The following LARGE1 variants were observed in gnomAD, a reference collection of about 807,000 sequenced individuals.
LARGE1 encodes the protein LARGE xylosyl- and glucuronyltransferase 1, also known as xylosyl- and glucuronyltransferase LARGE1.
In LARGE1, 43 loss-of-function variants were observed where a neutral mutation model predicts 87.6. The observed-to-expected ratio is 0.49, with a 90% confidence interval of 0.38 to 0.63. The LOEUF is 0.63. LARGE1 is among the 30% of genes least tolerant of loss of function. The pLI is 0.00. For synonymous variants in LARGE1, 434 were observed against 394.6 expected, an observed-to-expected ratio of 1.10 and a Z score of -1.18; for missense variants, 802 against 1,000.2, an observed-to-expected ratio of 0.80 and a Z score of 2.67.
At chr22:33,626,579 G>A (rs1602796470) in intron 3 of LARGE1, among the ~76,000 whole-genome samples, 2 of 152,182 alleles carry the variant, frequency 1.3e-5, no homozygotes, top group Admixed American at 6.5e-5. Flanking sequence ...CAAGAGAGAT[G>A]GTGATTGGCT....
At chr22:33,373,950 G>A (rs1379175386) in intron 9 of LARGE1, among the ~76,000 whole-genome samples, 1 of 135,330 alleles carries the variant, frequency 7.4e-6, no homozygotes, top group Non-Finnish European at 1.5e-5. Flanking sequence ...CTCCAGCCTG[G>A]GGATAGAGTG....
At chr22:33,336,569 AG>A (rs1938471641) in intron 10 of LARGE1, among the ~76,000 whole-genome samples, 1 of 152,128 alleles carries the variant, frequency 6.6e-6, no homozygotes, top group Non-Finnish European at 1.5e-5. Flanking sequence ...CACTTATCTG[AG>A]ATCACACAGG....
chr22:33,206,311 C>G (rs930470129), intron 11 of LARGE1, among the ~76,000 whole-genome samples: 1 of 152,006 alleles, frequency 6.6e-6, no homozygotes, highest in Non-Finnish European at 1.5e-5. Context: ...AGGCTGGTCT[C>G]GAACCCCTGA....
downstream of LARGE1, among the ~76,000 whole-genome samples, chr22:33,159,637 C>T (rs1281061502): frequency 5.4e-5 from 8 of 148,314 alleles, no homozygotes; most frequent in African/African-American, 1.2e-4. Flanking sequence ...CAGGCTGGAG[C>T]GCAGCGGCAC....
chr22:33,464,907 ATACACATG>A (rs1229735725), intron 6 of LARGE1, among the ~76,000 whole-genome samples: 4 of 137,466 alleles, frequency 2.9e-5, no homozygotes, highest in African/African-American at 1.4e-4. Flanking sequence ...ACACACACAC[ATACACATG>A]CACACATACA....
intron 1 of LARGE1, among the ~76,000 whole-genome samples, chr22:33,889,806 T>C (rs2064957078): frequency 6.6e-6 from 1 of 152,204 alleles, no homozygotes. Flanking sequence ...ATTCATTCAT[T>C]CATAACTTTC....
chr22:33,716,071 T>C (rs866132874), intron 2 of LARGE1, among the ~76,000 whole-genome samples: 1 of 152,132 alleles, frequency 6.6e-6, no homozygotes, highest in Non-Finnish European at 1.5e-5. Flanking sequence ...CCCCATATAC[T>C]TAAGTATGAT....
the LARGE1 span, among the ~76,000 whole-genome samples, chr22:33,136,626 A>C: frequency 2.0e-5 from 3 of 152,140 alleles, no homozygotes; most frequent in African/African-American, 7.2e-5. Flanking sequence ...ATTGCTTGGG[A>C]TGTTAAGGGC....
In LARGE1 at chr22:33,476,183, G is replaced by A. The variant is rs563305395; in HGVS notation, c.788-43918C>T. 5.3e-5 allele frequency among the ~76,000 whole-genome samples: 8 copies of A among 152,336 alleles called. 1 individual carries two copies. The South Asian group carries it at 1.7e-3, about 32-fold the overall frequency. ...ATAGCTGATTAGCTGATCTTCACAG[G>A]TGTGGGACAGACAGTCCTCCCTCTG... On this transcript the variant is annotated intron_variant, in intron 6 of 14. Coordinates refer to ENST00000397394, the MANE Select transcript of LARGE1 (RefSeq NM_133642.5).
chr22:33,117,511 C>A, the LARGE1 span, among the ~76,000 whole-genome samples: 4 of 151,020 alleles, frequency 2.6e-5, no homozygotes, highest in Non-Finnish European at 4.4e-5. Flanking sequence ...GTCTTAGAGA[C>A]ATTGAGGAGA....
At chr22:33,793,944 A>G (rs78598529) in intron 1 of LARGE1, among the ~76,000 whole-genome samples, 2 of 151,942 alleles carry the variant, frequency 1.3e-5, no homozygotes, top group Non-Finnish European at 2.9e-5. Flanking sequence ...TTTTTTTTCC[A>G]AAAGAATATG....
At chr22:33,084,491 T>A in the LARGE1 span, among the ~76,000 whole-genome samples, 1 of 150,198 alleles carries the variant, frequency 6.7e-6, no homozygotes, top group Non-Finnish European at 1.5e-5. Flanking sequence ...AGACCTTGTC[T>A]CTCGAAAAAA....
rs2065911965 is a variant in LARGE1 at position 33,920,406 on chromosome 22, G to A, written c.-494C>T. The A allele has an allele frequency of 6.6e-6, 1 of 150,472 alleles. No homozygotes were observed. Among genetic ancestry groups the A allele is most frequent in the African/African-American group, 2.4e-5 (1 of 41,166 alleles). The allele number at this position is 150,472 out of a possible 1,614,324, so 9.3% of individuals were successfully genotyped here. A position where few individuals can be genotyped will look rare whatever the true frequency, so the allele number is the denominator to read the frequency against. ...AGGGCCTGCCCGCGAACAGCCCGGC[G>A]AGACGAGCGCGGCCGCGCCCCCAGC... On this transcript the variant is annotated 5_prime_UTR_variant, in exon 1 of 15. Coordinates refer to ENST00000397394, the MANE Select transcript of LARGE1 (RefSeq NM_133642.5).
intron 10 of LARGE1, among the ~76,000 whole-genome samples, chr22:33,328,417 TA>T (rs1188682728): frequency 1.3e-5 from 2 of 151,846 alleles, no homozygotes; most frequent in African/African-American, 4.8e-5. Flanking sequence ...CCAGCTCTAT[TA>T]AAAATACAAA....
At chr22:33,874,470 C>T (rs890768046) in intron 1 of LARGE1, among the ~76,000 whole-genome samples, 1 of 152,160 alleles carries the variant, frequency 6.6e-6, no homozygotes, top group Non-Finnish European at 1.5e-5. Flanking sequence ...GCAGCTGAAA[C>T]GGAGCAATTT....
intron 2 of LARGE1, among the ~76,000 whole-genome samples, chr22:33,728,512 C>T (rs551649622): frequency 5.1e-5 from 7 of 137,422 alleles, no homozygotes; most frequent in Admixed American, 3.5e-4. Flanking sequence ...GCACTACAGC[C>T]TGGGCAACAA....
At chr22:33,671,884 T>C (rs2081425305) in intron 2 of LARGE1, among the ~76,000 whole-genome samples, 1 of 152,106 alleles carries the variant, frequency 6.6e-6, no homozygotes, top group Non-Finnish European at 1.5e-5. Flanking sequence ...GCCATTCTTG[T>C]CTGTATGTGT....
chr22:33,863,914 A>T (rs778616362), intron 1 of LARGE1, among the ~76,000 whole-genome samples: 4 of 152,214 alleles, frequency 2.6e-5, no homozygotes, highest in Non-Finnish European at 5.9e-5. Flanking sequence ...CTGCAGTTTC[A>T]CTTGAAGGCA....
chr22:33,411,508 GTTTAA>G (rs1054303301), intron 7 of LARGE1, among the ~76,000 whole-genome samples: 1 of 152,180 alleles, frequency 6.6e-6, no homozygotes, highest in African/African-American at 2.4e-5. Flanking sequence ...GCACACATCT[GTTTAA>G]TTTAAAATTT....
Sources: allele counts gnomAD v4.1 joint callset (sites outside exome capture counted in the v4.1 genomes callset), GRCh38; gene constraint gnomAD v4.1.1; transcripts MANE v1.5; gene names NCBI Gene and HGNC (gene_info 2026-07-23, HGNC 2026-07-21).